Variants in RCAN2 observed in about 807,000 individuals in gnomAD.
The protein encoded by RCAN2 is calcipressin-2.
A neutral mutation model predicts 23.6 loss-of-function variants in RCAN2; 9 were observed. The observed-to-expected ratio is 0.38, with a 90% confidence interval of 0.23 to 0.67. The LOEUF (loss-of-function observed/expected upper bound fraction) is 0.67, where lower values mean the gene tolerates loss of function less well. RCAN2 is among the 30% of genes least tolerant of loss of function. The pLI is 0.51. For synonymous variants in RCAN2, 109 were observed against 115.7 expected, an observed-to-expected ratio of 0.94 and a Z score of 0.37; for missense variants, 273 against 302.3, an observed-to-expected ratio of 0.90 and a Z score of 0.72.
chr6:46,333,441 T>C (rs952154590), intron 2 of RCAN2, among the ~76,000 whole-genome samples: 4 of 152,258 alleles, frequency 2.6e-5, no homozygotes, highest in African/African-American at 9.6e-5. Flanking sequence ...CCATTTGGAT[T>C]GTTTCCAGCC....
chr6:46,227,018 G>C (rs1194785765), intron 4 of RCAN2, among the ~76,000 whole-genome samples: 4 of 152,116 alleles, frequency 2.6e-5, no homozygotes, highest in Non-Finnish European at 4.4e-5. Flanking sequence ...TTTTGTCAAA[G>C]GCCTTTTCTG....
intron 2 of RCAN2, among the ~76,000 whole-genome samples, chr6:46,418,088 C>T (rs953935972): frequency 3.9e-5 from 6 of 152,150 alleles, no homozygotes; most frequent in African/African-American, 1.4e-4. Flanking sequence ...ATTATTATCA[C>T]TATCCTTATT....
At chr6:46,449,303 A>C (rs1767805714) in intron 2 of RCAN2, among the ~76,000 whole-genome samples, 1 of 151,640 alleles carries the variant, frequency 6.6e-6, no homozygotes, top group African/African-American at 2.4e-5. Context: ...AAAACTATGA[A>C]ACATAATGAA....
chr6:46,435,449 T>C (rs1767337109), intron 2 of RCAN2, among the ~76,000 whole-genome samples: 1 of 152,224 alleles, frequency 6.6e-6, no homozygotes, highest in African/African-American at 2.4e-5. Flanking sequence ...ATGAATATAT[T>C]TTAAAAACCA....
intron 2 of RCAN2, among the ~76,000 whole-genome samples, chr6:46,284,860 A>G (rs1030205596): frequency 6.6e-6 from 1 of 152,200 alleles, no homozygotes; most frequent in Non-Finnish European, 1.5e-5. Context: ...GAATTATGGG[A>G]TATGGGAAAG....
At chr6:46,235,024 T>C (rs1766043526) in intron 4 of RCAN2, among the ~76,000 whole-genome samples, 1 of 152,208 alleles carries the variant, frequency 6.6e-6, no homozygotes, top group African/African-American at 2.4e-5. Flanking sequence ...TGGCTGGCAG[T>C]CCAAGTGCCA....
chr6:46,293,312 C>T (rs1020026316), intron 2 of RCAN2, among the ~76,000 whole-genome samples: 3 of 152,108 alleles, frequency 2.0e-5, no homozygotes, highest in African/African-American at 7.2e-5. Context: ...TGATAACTGA[C>T]CTTATGAATT....
At chr6:46,471,676 T>C (rs879306696) in intron 1 of RCAN2, among the ~76,000 whole-genome samples, 3 of 152,134 alleles carry the variant, frequency 2.0e-5, no homozygotes, top group Non-Finnish European at 4.4e-5. Context: ...GAGAGGGGAA[T>C]AAAATAGATG....
chr6:46,253,156 G>T (rs1766791457), intron 2 of RCAN2, among the ~76,000 whole-genome samples: 1 of 152,106 alleles, frequency 6.6e-6, no homozygotes, highest in Non-Finnish European at 1.5e-5. Context: ...CTATAGTTTG[G>T]TGCAAAAGTA....
chr6:46,442,396 C>T (rs1767574941), intron 2 of RCAN2, among the ~76,000 whole-genome samples: 1 of 152,222 alleles, frequency 6.6e-6, no homozygotes, highest in South Asian at 2.1e-4. Flanking sequence ...CCTCCACCAC[C>T]ACCAAGGCAC....
In RCAN2 at chr6:46,372,791, A is replaced by G. The variant is rs538240519; in HGVS notation, c.225+83961T>C. ...TTTCCCTGGTCATTTTCCAGCCAAG[A>G]AAACAACTTCCCATTTAACTATCAG... On this transcript the variant is annotated intron_variant, in intron 2 of 4. Transcript: ENST00000371374. Among the ~76,000 whole-genome samples, 3 of 152,370 alleles carry G rather than the reference A, an allele frequency of 2.0e-5. No individual in the cohort carries two copies. In the East Asian group the frequency reaches 5.8e-4, roughly 29 times the overall value.
At chr6:46,226,279 C>T (rs907863375) in intron 4 of RCAN2, among the ~76,000 whole-genome samples, 7 of 151,956 alleles carry the variant, frequency 4.6e-5, no homozygotes, top group East Asian at 1.9e-4. Flanking sequence ...GCTCTTTTTT[C>T]GTTCCATATG....
chr6:46,251,910 A>G (rs1176659789), intron 2 of RCAN2, among the ~76,000 whole-genome samples: 1 of 152,184 alleles, frequency 6.6e-6, no homozygotes, highest in African/African-American at 2.4e-5. Flanking sequence ...GAGCTCTTGC[A>G]CCAAACCTGG....
At chr6:46,489,395 A>G (rs1769077525) in intron 1 of RCAN2, among the ~76,000 whole-genome samples, 2 of 152,238 alleles carry the variant, frequency 1.3e-5, no homozygotes, top group South Asian at 2.1e-4. Context: ...CCTCTGGCAC[A>G]GGACCTACAA....
At chr6:46,415,244 A>G (rs9463202) in intron 2 of RCAN2, among the ~76,000 whole-genome samples, 7,493 of 152,252 alleles carry the variant, frequency 0.049, 621 homozygotes, top group African/African-American at 0.17. Context: ...CCAGGGCACT[A>G]GCTGTAGGAA....
At position 46,251,503 on chromosome 6, in the gene RCAN2, T is replaced by C. The variant is rs1766717104; in HGVS notation, c.226-2607A>G. ...TTTGTGGCTGGTATGTTTTCCCATT[T>C]CCAGGGTGGGAGTTTCACCTTCTCA... On this transcript the variant is annotated intron_variant, in intron 2 of 4. Coordinates refer to ENST00000371374, the MANE Select transcript of RCAN2 (RefSeq NM_001251974.2). 2.6e-5 allele frequency among the ~76,000 whole-genome samples: 4 copies of C among 152,282 alleles called. No individual in the cohort carries two copies. The South Asian group carries it at 8.3e-4, about 32-fold the overall frequency.
At chr6:46,227,739 C>T (rs1033300891) in intron 4 of RCAN2, among the ~76,000 whole-genome samples, 13 of 151,502 alleles carry the variant, frequency 8.6e-5, no homozygotes, top group South Asian at 2.1e-4. Context: ...AACCAGATCC[C>T]GGATTCATTA....
intron 2 of RCAN2, among the ~76,000 whole-genome samples, chr6:46,367,957 T>C (rs1765220240): frequency 6.6e-6 from 1 of 152,208 alleles, no homozygotes; most frequent in Non-Finnish European, 1.5e-5. Context: ...CTCTACTCTC[T>C]GCTCTAAATT....
chr6:46,468,031 T>C (rs1244618693), intron 1 of RCAN2, among the ~76,000 whole-genome samples: 1 of 152,228 alleles, frequency 6.6e-6, no homozygotes, highest in African/African-American at 2.4e-5. Flanking sequence ...TAGGCCTCAG[T>C]TTCCACAGCT....
Sources: allele counts gnomAD v4.1 joint callset (sites outside exome capture counted in the v4.1 genomes callset), GRCh38; gene constraint gnomAD v4.1.1; transcripts MANE v1.5; gene names NCBI Gene and HGNC (gene_info 2026-07-23, HGNC 2026-07-21).